Variants in SYNPO2 observed in about 807,000 individuals in gnomAD.
The protein encoded by SYNPO2 is synaptopodin-2.
A neutral mutation model predicts 85.0 loss-of-function variants in SYNPO2; 56 were observed. The ratio of observed to expected loss-of-function variants is 0.66; its 90% CI spans 0.53 to 0.82. The LOEUF (loss-of-function observed/expected upper bound fraction) is 0.82, where lower values mean the gene tolerates loss of function less well. SYNPO2 is among the 40% of genes least tolerant of loss of function. The probability of loss-of-function intolerance (pLI) is 0.00; values close to 1 mark genes in which losing one functional copy is unlikely to be tolerated. For missense variants in SYNPO2, 1,575 were observed against 1,534.2 expected (o/e 1.03, Z -0.44); for synonymous variants, 602 against 591.1 (o/e 1.02, Z -0.27).
At chr4:118,971,871 A>G (rs989448418) in intron 1 of SYNPO2, among the ~76,000 whole-genome samples, 3 of 152,084 alleles carry the variant, frequency 2.0e-5, no homozygotes, top group Non-Finnish European at 4.4e-5. Context: ...TCTCCCATCC[A>G]TGAGAGGGGT....
intron 4 of SYNPO2, among the ~76,000 whole-genome samples, chr4:119,046,191 T>G (rs1229693804): frequency 6.6e-6 from 1 of 152,214 alleles, no homozygotes; most frequent in African/African-American, 2.4e-5. Flanking sequence ...TTTTGTACAT[T>G]TTAGTTATTA....
chr4:119,006,545 A>G (rs1737038066), intron 1 of SYNPO2: 1 of 152,232 alleles, frequency 6.6e-6, no homozygotes, highest in South Asian at 2.1e-4. Context: ...GAACAAAAAT[A>G]TGACAGACTC....
At position 119,030,290 on chromosome 4, in the gene SYNPO2, C is replaced by T. The variant is rs779306751; in HGVS notation, c.1515C>T (p.Ile505=). 6.2e-6 allele frequency: 10 copies of T among 1,613,944 alleles called. No homozygotes were observed. Among genetic ancestry groups the T allele is most frequent in the Non-Finnish European group, 8.5e-6 (10 of 1,179,998 alleles). The change falls in exon 4 of 5, where the codon ATC becomes ATT. Residue 505 remains isoleucine (I), a synonymous_variant. Coordinates refer to ENST00000307142, the MANE Select transcript of SYNPO2 (RefSeq NM_133477.3). ...FAKRRERMDQ[I]TAQKEEDKVG... ...AGAGGAGGGAGAGAATGGATCAGAT[C>T]ACAGCCCAAAAAGAAGAGGACAAGG...
At chr4:118,931,310 C>A (rs1226766336) in intron 1 of SYNPO2, among the ~76,000 whole-genome samples, 3 of 152,130 alleles carry the variant, frequency 2.0e-5, no homozygotes, top group Non-Finnish European at 4.4e-5. Flanking sequence ...GAACCTAGGT[C>A]TCTGACTATT....
intron 1 of SYNPO2, among the ~76,000 whole-genome samples, chr4:118,854,027 A>G (rs1477245836): frequency 2.6e-5 from 4 of 152,244 alleles, no homozygotes; most frequent in African/African-American, 9.6e-5. Context: ...TCCTGGCAGC[A>G]ATGAACCAAA....
intron 1 of SYNPO2, among the ~76,000 whole-genome samples, chr4:118,965,481 C>A (rs551691041): frequency 6.6e-6 from 1 of 152,176 alleles, no homozygotes; most frequent in South Asian, 2.1e-4. Flanking sequence ...TTCATGCATC[C>A]CCCAAATTCA....
intron 1 of SYNPO2, among the ~76,000 whole-genome samples, chr4:118,901,253 A>G (rs1477948211): frequency 6.6e-6 from 1 of 152,112 alleles, no homozygotes; most frequent in Non-Finnish European, 1.5e-5. Context: ...CCTGACTTCA[A>G]CCCTTGTTGA....
chr4:118,961,434 G>A (rs1735089899), intron 1 of SYNPO2, among the ~76,000 whole-genome samples: 1 of 152,036 alleles, frequency 6.6e-6, no homozygotes, highest in African/African-American at 2.4e-5. Context: ...AGAGCCTTAT[G>A]TTCTCACTTT....
chr4:119,034,649 A>G, intron 4 of SYNPO2: 1 of 985,480 alleles, frequency 1.0e-6, no homozygotes, highest in Non-Finnish European at 1.2e-6. Flanking sequence ...GTTCTCCAAA[A>G]CAATATCCAC....
At chr4:118,944,573 G>A (rs1734431618) in intron 1 of SYNPO2, among the ~76,000 whole-genome samples, 1 of 152,122 alleles carries the variant, frequency 6.6e-6, no homozygotes. Context: ...ACTAGAGTTA[G>A]ATGCTCTATG....
intron 1 of SYNPO2, among the ~76,000 whole-genome samples, chr4:119,013,022 T>C (rs1737388192): frequency 6.6e-6 from 1 of 152,190 alleles, no homozygotes; most frequent in Non-Finnish European, 1.5e-5. Flanking sequence ...ATTCTCAAAG[T>C]GTCATCTGCA....
At chr4:119,033,711 T>A in intron 4 of SYNPO2, 6 of 985,298 alleles carry the variant, frequency 6.1e-6, no homozygotes, top group Non-Finnish European at 7.2e-6. Context: ...ACTATCCTAT[T>A]AAAATATTAC....
chr4:118,931,589 C>G (rs62326841), intron 1 of SYNPO2, among the ~76,000 whole-genome samples: 35,265 of 152,052 alleles, frequency 0.23, 4,714 homozygotes, highest in African/African-American at 0.38. Flanking sequence ...AATCTAAACT[C>G]TATAAAGAAC....
chr4:118,874,934 C>A (rs1258792313), intron 1 of SYNPO2, among the ~76,000 whole-genome samples: 2 of 152,024 alleles, frequency 1.3e-5, no homozygotes, highest in Non-Finnish European at 2.9e-5. Context: ...TAAACGTGTG[C>A]CATGGTAGTT....
At chr4:118,988,495 A>AG (rs1273006095) in intron 1 of SYNPO2, among the ~76,000 whole-genome samples, 2 of 152,216 alleles carry the variant, frequency 1.3e-5, no homozygotes, top group Non-Finnish European at 2.9e-5. Flanking sequence ...TTCAACTACA[A>AG]GACAGGACAT....
At chr4:119,057,291 T>G in intron 4 of SYNPO2, 110 bp from the exon 5 acceptor site, 1 of 1,145,258 alleles carries the variant, frequency 8.7e-7, no homozygotes, top group Non-Finnish European at 1.2e-6. Context: ...TTATTTTTAT[T>G]TTTATTTTTT....
chr4:118,890,016 G>A (rs942932713), intron 1 of SYNPO2, among the ~76,000 whole-genome samples: 11 of 152,106 alleles, frequency 7.2e-5, no homozygotes, highest in African/African-American at 2.7e-4. Context: ...ACATGCAAGA[G>A]CATGGGATTA....
At chr4:118,853,645 T>A (rs573105635) in intron 1 of SYNPO2, among the ~76,000 whole-genome samples, 5 of 151,330 alleles carry the variant, frequency 3.3e-5, no homozygotes, top group African/African-American at 1.2e-4. Context: ...GGTAAAACAA[T>A]GTACATTTGG....
chr4:118,876,132 A>C (rs1731901963), intron 1 of SYNPO2, among the ~76,000 whole-genome samples: 1 of 152,198 alleles, frequency 6.6e-6, no homozygotes, highest in Admixed American at 6.5e-5. Flanking sequence ...AGATTCTTGA[A>C]GGGATTCTGA....
Sources: allele counts gnomAD v4.1 joint callset (sites outside exome capture counted in the v4.1 genomes callset), GRCh38; gene constraint gnomAD v4.1.1; transcripts MANE v1.5; gene names NCBI Gene and HGNC (gene_info 2026-07-23, HGNC 2026-07-21).